IQCE: variants seen among roughly 807,000 people sequenced by gnomAD.
The protein encoded by IQCE is IQ motif containing E.
A neutral mutation model predicts 96.0 loss-of-function variants in IQCE; 115 were observed. That is an observed-to-expected ratio of 1.20 (90% CI 1.03 to 1.40). IQCE has a LOEUF of 1.40. Among genes scored for constraint, IQCE ranks in the 40% most tolerant of loss-of-function variants. IQCE has a pLI of 0.00. For synonymous variants in IQCE, 412 were observed against 371.2 expected (o/e 1.11, Z -1.26); for missense variants, 1,041 against 909.1 (o/e 1.15, Z -1.87).
chr7:2,573,475 T>C lies in IQCE; in HGVS notation c.452T>C (p.Ile151Thr), dbSNP rs770109271. The stretch of plus-strand genomic sequence containing the variant: ...AAAGAAGATATGTATGACGAGATTA[T>C]TGAGTTAAAGAAGGTAGTATTTCGG... ...REKEDMYDEI[I>T]ELKKSLHVQK... Residue 151 changes from isoleucine to threonine, a missense_variant, in exon 6 of 22, where the codon ATT (isoleucine) becomes ACT (threonine). Coordinates refer to ENST00000402050, the MANE Select transcript of IQCE (RefSeq NM_152558.5). 5 of 1,534,390 alleles carry C rather than the reference T, an allele frequency of 3.3e-6. No homozygotes were observed. The highest frequency in any genetic ancestry group is 4.5e-6 in the Non-Finnish European group (5 of 1,108,144).
intron 14 of IQCE, among the ~76,000 whole-genome samples, chr7:2,591,119 G>C (rs1365403660): frequency 1.3e-5 from 2 of 152,040 alleles, no homozygotes; most frequent in Non-Finnish European, 2.9e-5. Flanking sequence ...CAGTTGTAGT[G>C]GTTGAAGCCT....
chr7:2,576,983 G>A (rs779801597), intron 6 of IQCE, among the ~76,000 whole-genome samples: 1 of 152,166 alleles, frequency 6.6e-6, no homozygotes, highest in Non-Finnish European at 1.5e-5. Flanking sequence ...CTCATCACGG[G>A]TTCCGTTGGT....
rs769410553 is a variant in IQCE, at chr7:2,572,291, T to C, written c.359T>C (p.Val120Ala). The C allele has an allele frequency of 6.2e-7, 1 of 1,614,014 alleles. No homozygotes were observed. The highest frequency in any genetic ancestry group is 8.5e-7 in the Non-Finnish European group (1 of 1,179,980). ...GACTGTCTGACAGACACCTTCAGAGTGAAGAGGCCACATCTCAGGCGCTCT... is the reference window on the plus strand; with the variant it reads ...GACTGTCTGACAGACACCTTCAGAGCGAAGAGGCCACATCTCAGGCGCTCT... ...TPDCLTDTFR[V>A]KRPHLRRSAS... is the part of the protein sequence containing the mutation. The change falls in exon 5 of 22, where the codon GTG (valine) becomes GCG (alanine). Residue 120 changes from valine to alanine, a missense_variant. Physicochemically the swap from Val to Ala is moderately conservative, Grantham distance 64. Transcript: ENST00000402050.
intron 6 of IQCE, 138 bp from the exon 7 acceptor site, chr7:2,578,104 G>T (rs1782336320): frequency 7.8e-6 from 5 of 642,682 alleles, no homozygotes. Context: ...GCGCAGTGGC[G>T]TGTGCGTGGC....
At chr7:2,582,953 T>C (rs1454062517) in intron 9 of IQCE, among the ~76,000 whole-genome samples, 2 of 152,288 alleles carry the variant, frequency 1.3e-5, no homozygotes, top group Middle Eastern at 6.8e-3. Flanking sequence ...GTGCTGTTTT[T>C]GGCGTGGCTA....
At chr7:2,582,399 C>T (rs1387303023) in intron 8 of IQCE, among the ~76,000 whole-genome samples, 181 bp from the exon 9 acceptor site, 1 of 152,194 alleles carries the variant, frequency 6.6e-6, no homozygotes, top group Non-Finnish European at 1.5e-5. Context: ...CCCAGCCTTA[C>T]TCAGGGACAG....
At chr7:2,559,436 C>T (rs1290779549) in intron 1 of IQCE, 8 of 289,802 alleles carry the variant, frequency 2.8e-5, no homozygotes, top group East Asian at 5.7e-5. Context: ...CAGAGGCCGC[C>T]GCTTCCAGGA....
intron 18 of IQCE, among the ~76,000 whole-genome samples, chr7:2,602,769 CTG>C (rs1784521844): frequency 4.6e-5 from 7 of 152,282 alleles, no homozygotes; most frequent in Admixed American, 4.6e-4. Flanking sequence ...CAGCCAGACA[CTG>C]TCCAAATTGC....
intron 1 of IQCE, among the ~76,000 whole-genome samples, chr7:2,562,774 TC>T (rs1413476402): frequency 6.6e-6 from 1 of 152,130 alleles, no homozygotes; most frequent in Non-Finnish European, 1.5e-5. Context: ...TTCTTTTACT[TC>T]CTTTGAGTTT....
rs1457720395 is a variant in IQCE, at chr7:2,578,308, A to T, written c.532A>T (p.Asn178Tyr). ...GAAGCTCCGGCGCCTGGAGGAGGAA[A>T]ACAGCAGGAAGGACCGGCAGATAGA... Reference protein sequence around the residue: ...RTKLRRLEEENSRKDRQIEQL... With the variant: ...RTKLRRLEEEYSRKDRQIEQL... Residue 178 changes from asparagine (N) to tyrosine (Y), a missense_variant, in exon 7 of 22, where the codon AAC (asparagine) becomes TAC (tyrosine). Physicochemically the swap from Asn to Tyr is moderately radical, Grantham distance 143 (BLOSUM62 -2). Coordinates refer to ENST00000402050, the MANE Select transcript of IQCE (RefSeq NM_152558.5). 1 of 1,614,026 alleles carries T rather than the reference A, an allele frequency of 6.2e-7. No individual in the cohort carries two copies. The highest frequency in any genetic ancestry group is 1.3e-5 in the African/African-American group (1 of 74,968).
Position 2,573,647 on chromosome 7 carries a change from C to T in IQCE, c.465+159C>T, listed in dbSNP as rs117045369. On this transcript the variant is annotated intron_variant, in intron 6 of 21. Coordinates refer to ENST00000402050, the MANE Select transcript of IQCE (RefSeq NM_152558.5). ...GAGCCGTGGCGTAGTGCCCTAGGAG[C>T]TGGTGTCCCTGGTTAAAGGCCGTAG... is the stretch of plus-strand genomic sequence containing the variant. 7.9e-5 allele frequency among the ~76,000 whole-genome samples: 12 copies of T among 152,196 alleles called. No individual in the cohort carries two copies. The East Asian group carries it at 1.9e-3, about 25-fold the overall frequency.
chr7:2,593,144 G>C lies in IQCE; in HGVS notation c.1349+18G>C. ...GTTTTGAGGTATGTGACCCGGGTCA[G>C]GGCTGGAGAGGACCCAGGCGAGTCC... is the stretch of plus-strand genomic sequence containing the variant. On this transcript the variant is annotated intron_variant, in intron 15 of 21. Coordinates refer to ENST00000402050, the MANE Select transcript of IQCE (RefSeq NM_152558.5). The C allele has an allele frequency of 6.2e-7, 1 of 1,602,468 alleles. No homozygotes were observed. The highest frequency in any genetic ancestry group is 8.5e-7 in the Non-Finnish European group (1 of 1,171,988).
At chr7:2,594,178 T>C (rs1185554500) in intron 15 of IQCE, among the ~76,000 whole-genome samples, 4 of 152,166 alleles carry the variant, frequency 2.6e-5, no homozygotes, top group African/African-American at 9.7e-5. Context: ...GAGAATAGCT[T>C]GAACCCGGGC....
intron 16 of IQCE, 60 bp from the exon 17 acceptor site, chr7:2,598,405 C>G (rs1298124346): frequency 6.8e-7 from 1 of 1,471,118 alleles, no homozygotes. Flanking sequence ...GTCCCCTTGC[C>G]GGATACTGGT....
chr7:2,583,732 G>T lies in IQCE; in HGVS notation c.774+23G>T, dbSNP rs570043449. The stretch of plus-strand genomic sequence containing the variant: ...GAGGTGCGCCGTGCTGGGCGGCGGA[G>T]CGGAGGGCGGGCACCGAGCTGGGCG... On this transcript the variant is annotated intron_variant, in intron 10 of 21. Coordinates refer to ENST00000402050, the MANE Select transcript of IQCE (RefSeq NM_152558.5). 32 of 1,311,826 alleles carry T rather than the reference G, an allele frequency of 2.4e-5. No homozygotes were observed. In the South Asian group the frequency reaches 3.4e-4, roughly 14 times the overall value. The allele number at this position is 1,311,826 out of a possible 1,614,324, so 81.3% of individuals were successfully genotyped here.
In IQCE at chr7:2,611,674, C is replaced by CA. The variant is rs3832484; in HGVS notation, c.*1513dup. ...CCCAGCCTGTTCTCTCCCAGTCACT[C>CA]AGGGATGGGGCCACCCAAAGTGCAG... On this transcript the variant is annotated 3_prime_UTR_variant, in exon 22 of 22. Coordinates refer to ENST00000402050, the MANE Select transcript of IQCE (RefSeq NM_152558.5). 0.28 allele frequency: 42,793 copies of CA among 152,122 alleles called. 6,510 individuals are homozygous for CA. Among genetic ancestry groups the CA allele is most frequent in the East Asian group, 0.45 (2,328 of 5,164 alleles). 9.4% of individuals were successfully genotyped at this position (152,122 alleles called of 1,614,324 possible). A position where few individuals can be genotyped will look rare whatever the true frequency, so the allele number is the denominator to read the frequency against.
intron 10 of IQCE, among the ~76,000 whole-genome samples, 163 bp downstream of exon 10, chr7:2,583,872 G>A (rs1782879281): frequency 1.2e-5 from 1 of 86,452 alleles, no homozygotes; most frequent in African/African-American, 4.7e-5. Context: ...ACCGTGCTGG[G>A]TGGCGGGGCG....
intron 6 of IQCE, 53 bp downstream of exon 6, chr7:2,573,541 A>T (rs377457702): frequency 6.0e-5 from 59 of 985,786 alleles, no homozygotes; most frequent in Non-Finnish European, 6.5e-6. Context: ...GCTTCCTATA[A>T]CAATGTATTA....
chr7:2,573,638 C>G (rs1325713096), intron 6 of IQCE, 150 bp downstream of exon 6: 18 of 537,912 alleles, frequency 3.3e-5, no homozygotes, highest in Non-Finnish European at 4.0e-5. Flanking sequence ...TGGCGTAGTG[C>G]CCTAGGAGCT....
Sources: gnomAD v4.1 joint callset for allele counts (sites outside exome capture counted in the v4.1 genomes callset) on GRCh38, gnomAD v4.1.1 for gene constraint, MANE v1.5 for transcripts, NCBI Gene and HGNC (gene_info 2026-07-23, HGNC 2026-07-21) for gene names.